NFATC2: variants seen among roughly 807,000 people sequenced by gnomAD.
NFATC2 encodes nuclear factor of activated T cells 2.
NFATC2 carries 22 observed loss-of-function variants against 87.3 expected under a neutral mutation model. The ratio of observed to expected loss-of-function variants is 0.25; its 90% CI spans 0.18 to 0.36. The LOEUF (loss-of-function observed/expected upper bound fraction) is 0.36. Among genes scored for constraint, NFATC2 ranks in the 10% least tolerant of loss-of-function variants. The probability of loss-of-function intolerance (pLI) is 1.00; values close to 1 mark genes in which losing one functional copy is unlikely to be tolerated. For missense variants in NFATC2, 1,149 were observed against 1,259.1 expected (o/e 0.91, Z 1.32); for synonymous variants, 565 against 542.2 (o/e 1.04, Z -0.58).
intron 3 of NFATC2, among the ~76,000 whole-genome samples, chr20:51,483,970 T>G (rs2146550837): frequency 6.6e-6 from 1 of 152,042 alleles, no homozygotes; most frequent in Non-Finnish European, 1.5e-5. Context: ...AGTTAGAGCT[T>G]TTGCCACCTC....
chr20:51,407,232 C>T (rs1461547936), intron 9 of NFATC2, among the ~76,000 whole-genome samples: 1 of 152,176 alleles, frequency 6.6e-6, no homozygotes, highest in African/African-American at 2.4e-5. Context: ...GCTCCCCTTA[C>T]TGGAACGGCA....
At chr20:51,451,450 G>A (rs1447104322) in intron 6 of NFATC2, among the ~76,000 whole-genome samples, 3 of 152,204 alleles carry the variant, frequency 2.0e-5, no homozygotes, top group South Asian at 4.1e-4. Flanking sequence ...CTGGTGTCAC[G>A]TGGGTGGAGG....
intron 6 of NFATC2, among the ~76,000 whole-genome samples, chr20:51,451,583 C>T (rs367584446): frequency 2.6e-5 from 4 of 152,192 alleles, no homozygotes; most frequent in African/African-American, 4.8e-5. Flanking sequence ...TCTTCAATCC[C>T]GGACCACAGA....
chr20:51,486,068 G>A (rs958744521), intron 3 of NFATC2, among the ~76,000 whole-genome samples: 19 of 151,996 alleles, frequency 1.3e-4, no homozygotes, highest in Non-Finnish European at 7.4e-5. Flanking sequence ...AAAATGACCC[G>A]AGCGTGGTGG....
chr20:51,544,220 C>T (rs2076869588), upstream of NFATC2, among the ~76,000 whole-genome samples: 2 of 151,856 alleles, frequency 1.3e-5, no homozygotes, highest in African/African-American at 4.8e-5. Flanking sequence ...ATCTCCTGAC[C>T]TCGTGATCCA....
At position 51,435,750 on chromosome 20, in the gene NFATC2, T is replaced by G. The variant is rs1321526432; in HGVS notation, c.1861A>C (p.Ile621Leu). ...FTEKTTDGQQIWEMEATVDKD... is the reference protein window; with the variant it reads ...FTEKTTDGQQLWEMEATVDKD... ...TCCACCGTGGCTTCCATCTCCCAAA[T>G]TTGCTGTCCATCTAGAAAAATTCAA... The change falls in exon 7 of 11, where the codon ATT (isoleucine) becomes CTT (leucine). Residue 621 changes from isoleucine (I) to leucine (L), a missense_variant. Around this residue, in one of 3 missense-constraint regions of NFATC2, gnomAD observed 581 missense variants for 649.7 expected, o/e 0.89. Coordinates refer to ENST00000371564, the MANE Select transcript of NFATC2 (RefSeq NM_012340.5). 4 of 1,605,592 alleles carry G rather than the reference T, an allele frequency of 2.5e-6. No individual in the cohort carries two copies. In the South Asian group the frequency reaches 3.4e-5, roughly 14 times the overall value.
intron 3 of NFATC2, among the ~76,000 whole-genome samples, chr20:51,485,240 C>T (rs1001748115): frequency 6.6e-6 from 1 of 152,198 alleles, no homozygotes; most frequent in Non-Finnish European, 1.5e-5. Context: ...CGCTGCACCC[C>T]AGCCCCCTCT....
chr20:51,437,623 T>G (rs991489975), intron 6 of NFATC2, among the ~76,000 whole-genome samples: 1 of 152,116 alleles, frequency 6.6e-6, no homozygotes, highest in Non-Finnish European at 1.5e-5. Context: ...GCTCTCTAGA[T>G]GATCTTAACA....
chr20:51,472,522 A>G (rs1050318706), intron 5 of NFATC2, among the ~76,000 whole-genome samples: 2 of 152,206 alleles, frequency 1.3e-5, no homozygotes, highest in African/African-American at 4.8e-5. Flanking sequence ...TTAATATGGA[A>G]CATGATTAGA....
intron 9 of NFATC2, among the ~76,000 whole-genome samples, chr20:51,429,984 G>A (rs1029384670): frequency 2.6e-5 from 4 of 152,160 alleles, no homozygotes; most frequent in Non-Finnish European, 4.4e-5. Context: ...AAGGGTCTCG[G>A]TGCTCAGCTG....
chr20:51,494,219 G>A (rs1230742207), intron 3 of NFATC2, among the ~76,000 whole-genome samples: 1 of 151,920 alleles, frequency 6.6e-6, no homozygotes, highest in African/African-American at 2.4e-5. Flanking sequence ...TCCACGCGGA[G>A]TGGGCACCAG....
intron 9 of NFATC2, among the ~76,000 whole-genome samples, chr20:51,401,512 G>A (rs1988042946): frequency 6.6e-6 from 1 of 152,186 alleles, no homozygotes; most frequent in South Asian, 2.1e-4. Context: ...TGGGAGGTAA[G>A]TCCATTGATC....
chr20:51,477,551 A>AAATATATTG (rs1988832688), intron 3 of NFATC2, among the ~76,000 whole-genome samples: 1 of 112,260 alleles, frequency 8.9e-6, no homozygotes, highest in African/African-American at 2.9e-5. Context: ...ATATATATAT[A>AAATATATTG]TATATATATA....
At chr20:51,511,626 G>A (rs1814618045) in intron 3 of NFATC2, among the ~76,000 whole-genome samples, 1 of 152,164 alleles carries the variant, frequency 6.6e-6, no homozygotes. Context: ...CATCCACTCA[G>A]TTGCTCCTTT....
intron 1 of NFATC2, among the ~76,000 whole-genome samples, chr20:51,553,984 C>T (rs921689830): frequency 2.6e-5 from 4 of 152,154 alleles, no homozygotes; most frequent in Non-Finnish European, 5.9e-5. Context: ...TTTCTCTCTC[C>T]ATTCTCTTCC....
rs1982937831 is a variant in NFATC2 at position 51,432,664 on chromosome 20, G to A, written c.2125C>T (p.Pro709Ser). Residue 709 changes from proline (P) to serine (S), a missense_variant, in exon 9 of 11, where the codon CCC becomes TCC. Pro to Ser is a moderately conservative substitution (Grantham distance 74). Coordinates refer to ENST00000371564, the MANE Select transcript of NFATC2 (RefSeq NM_012340.5). The surrounding 1 kb of genome is among the most constrained non-coding windows in gnomAD (Gnocchi z 4.6). The stretch of plus-strand genomic sequence containing the variant: ...GACTCGGCCACCATCGGGTGCTGGG[G>A]GTAGTAAGGCTGGCTCCCCAGGCCT... ...HGGLGSQPYY[P>S]QHPMVAESPS... 3 of 1,564,114 alleles carry A rather than the reference G, an allele frequency of 1.9e-6. No individual in the cohort carries two copies. The highest frequency in any genetic ancestry group is 1.8e-4 in the Middle Eastern group (1 of 5,708).
At chr20:51,433,570 G>A (rs1983090722) in intron 8 of NFATC2, among the ~76,000 whole-genome samples, 4 of 152,148 alleles carry the variant, frequency 2.6e-5, no homozygotes, top group Admixed American at 2.0e-4. Context: ...TGTTGTCGCT[G>A]TGGCCATTCC....
upstream of NFATC2, among the ~76,000 whole-genome samples, chr20:51,546,338 G>A (rs1473835676): frequency 6.6e-6 from 1 of 152,144 alleles, no homozygotes; most frequent in Non-Finnish European, 1.5e-5. Flanking sequence ...TTCCCTAAAG[G>A]TTACCTTGAA....
intron 3 of NFATC2, among the ~76,000 whole-genome samples, chr20:51,499,987 T>C (rs2076052473): frequency 6.6e-6 from 1 of 152,208 alleles, no homozygotes; most frequent in African/African-American, 2.4e-5. Flanking sequence ...ATCTGAGTCG[T>C]GGCTCTGCCA....
Sources: gnomAD v4.1 joint callset for allele counts (sites outside exome capture counted in the v4.1 genomes callset) on GRCh38, gnomAD v4.1.1 for gene constraint, gnomAD v4.1.1 regional missense constraint, Gnocchi (gnomAD v3.1) non-coding constraint, MANE v1.5 for transcripts, NCBI Gene and HGNC (gene_info 2026-07-23, HGNC 2026-07-21) for gene names.